CCDC18: variants seen among roughly 807,000 people sequenced by gnomAD.
CCDC18 encodes coiled-coil domain containing 18.
A neutral mutation model predicts 196.0 loss-of-function variants in CCDC18; 157 were observed. The observed-to-expected ratio is 0.80, with a 90% CI of 0.70 to 0.91. The LOEUF (loss-of-function observed/expected upper bound fraction) is 0.91. Among genes scored for constraint, CCDC18 ranks in the 40% least tolerant of loss-of-function variants. The probability of loss-of-function intolerance (pLI) is 0.00; values close to 1 mark genes in which losing one functional copy is unlikely to be tolerated. For synonymous variants in CCDC18, 482 were observed against 529.2 expected, an observed-to-expected ratio of 0.91 and a Z score of 1.22; for missense variants, 1,465 against 1,611.6, an observed-to-expected ratio of 0.91 and a Z score of 1.56.
chr1:93,217,976 G>A (rs1399373909), intron 14 of CCDC18, 107 bp downstream of exon 14: 3 of 905,308 alleles, frequency 3.3e-6, no homozygotes, highest in East Asian at 2.4e-5. Flanking sequence ...ACAAAAGTTA[G>A]TGGCAAGAGC....
In CCDC18 at chr1:93,183,583, T is replaced by C. The variant is rs550953356; in HGVS notation, c.134+88T>C. On this transcript the variant is annotated intron_variant, in intron 2 of 28. Coordinates refer to ENST00000690025, the MANE Select transcript of CCDC18 (RefSeq NM_001378204.1). The stretch of plus-strand genomic sequence containing the variant: ...GGATTTCATTATGATGTATTGTTTC[T>C]AACCTGCCTCTGGAATAAGAAATAA... 1,195 of 925,698 alleles carry C rather than the reference T, an allele frequency of 1.3e-3. 3 individuals carry two copies. Among genetic ancestry groups the C allele is most frequent in the Non-Finnish European group, 1.7e-3 (1,128 of 651,922 alleles). The allele number at this position is 925,698 out of a possible 1,614,324, so 57.3% of individuals were successfully genotyped here.
chr1:93,257,946 T>A (rs1428613655), intron 25 of CCDC18, among the ~76,000 whole-genome samples: 2 of 151,926 alleles, frequency 1.3e-5, no homozygotes, highest in Non-Finnish European at 2.9e-5. Flanking sequence ...TTCTACCTAG[T>A]CTTTCTCACA....
At chr1:93,251,038 C>T (rs1290248031) in intron 23 of CCDC18, among the ~76,000 whole-genome samples, 1 of 152,132 alleles carries the variant, frequency 6.6e-6, no homozygotes, top group African/African-American at 2.4e-5. Context: ...TTCTTTCCCA[C>T]TTACTGTCTT....
At chr1:93,274,841 A>T (rs1041818396) in intron 28 of CCDC18, among the ~76,000 whole-genome samples, 4 of 152,118 alleles carry the variant, frequency 2.6e-5, no homozygotes, top group African/African-American at 9.7e-5. Context: ...AAACAAACAA[A>T]CGTAGCCTAT....
chr1:93,238,055 G>GT (rs1357963526), intron 19 of CCDC18, among the ~76,000 whole-genome samples: 2 of 152,114 alleles, frequency 1.3e-5, no homozygotes, highest in Non-Finnish European at 2.9e-5. Context: ...ATACAGTTCT[G>GT]TTTTTTATAA....
intron 16 of CCDC18, among the ~76,000 whole-genome samples, chr1:93,222,803 T>C (rs1657656761): frequency 6.6e-6 from 1 of 152,212 alleles, no homozygotes; most frequent in African/African-American, 2.4e-5. Flanking sequence ...CTGCTATATA[T>C]TTAGTATTTT....
At chr1:93,217,945 T>TGTCCTCGTCTACAAA in intron 14 of CCDC18, 76 bp downstream of exon 14, 1 of 1,233,118 alleles carries the variant, frequency 8.1e-7, no homozygotes, top group Non-Finnish European at 1.1e-6. Flanking sequence ...TTTTATTTTG[T>TGTCCTCGTCTACAAA]AGACGAGGAC....
intron 1 of CCDC18, 77 bp from the exon 2 acceptor site, chr1:93,183,283 T>C: frequency 9.7e-7 from 1 of 1,031,886 alleles, no homozygotes; most frequent in Non-Finnish European, 1.4e-6. Context: ...ATGAGTTAAA[T>C]TCTATTCATG....
rs1394031760 is a variant in CCDC18, at chr1:93,183,397, CAATG to C, written c.39_42del (p.Asn13LysfsTer12). On this transcript the variant is annotated frameshift_variant, in exon 2 of 29. Transcript: ENST00000690025. LOFTEE classifies it high-confidence loss of function. Reference sequence around the variant, plus strand: ...GTTCATCAGACTACTATAATAAAGACAATGAAGAGGAAAGTTTGCTTGCAAATGT... The same window carrying C: ...GTTCATCAGACTACTATAATAAAGACAAGAGGAAAGTTTGCTTGCAAATGT... 2 of 1,598,650 alleles carry C rather than the reference CAATG, an allele frequency of 1.3e-6. No homozygotes were observed. The highest frequency in any genetic ancestry group is 1.7e-6 in the Non-Finnish European group (2 of 1,169,666).
chr1:93,206,511 TA>T (rs1557624810), intron 8 of CCDC18, among the ~76,000 whole-genome samples: 3 of 152,116 alleles, frequency 2.0e-5, no homozygotes, highest in African/African-American at 4.8e-5. Flanking sequence ...ATAAGTGAAA[TA>T]AATTGGTTAA....
At chr1:93,254,793 G>T (rs1442375527) in intron 24 of CCDC18, among the ~76,000 whole-genome samples, 179 bp downstream of exon 24, 1 of 152,014 alleles carries the variant, frequency 6.6e-6, no homozygotes, top group Non-Finnish European at 1.5e-5. Context: ...TTTTCTGATG[G>T]TCTAGGTATA....
intron 9 of CCDC18, 89 bp from the exon 10 acceptor site, chr1:93,210,713 A>G: frequency 1.1e-6 from 1 of 887,852 alleles, no homozygotes; most frequent in Non-Finnish European, 1.7e-6. Flanking sequence ...CATTAAATTC[A>G]TACAGTTTTT....
rs573004432 is a variant in CCDC18 at position 93,265,487 on chromosome 1, G to A, written c.3885+586G>A. On this transcript the variant is annotated intron_variant, in intron 27 of 28. Transcript: ENST00000690025. ...CTTAAATAAAATCCTACTTATATGA[G>A]ATACCACATATCAATTATGGCTAGA... Among the ~76,000 whole-genome samples the A allele has an allele frequency of 1.2e-4, 19 of 152,258 alleles. No homozygotes were observed. In the South Asian group the frequency reaches 1.5e-3, roughly 12 times the overall value.
chr1:93,228,678 C>CT (rs35733080), intron 17 of CCDC18, among the ~76,000 whole-genome samples: 65,720 of 146,136 alleles, frequency 0.45, 16,269 homozygotes, highest in African/African-American at 0.69. Flanking sequence ...TAGGAATGTC[C>CT]TTTTTTTTTT....
Position 93,201,901 on chromosome 1 carries a change from A to G in CCDC18, c.708A>G (p.Arg236=). The change falls in exon 7 of 29, where the codon CGA becomes CGG. Residue 236 remains arginine, a synonymous_variant. Coordinates refer to ENST00000690025, the MANE Select transcript of CCDC18 (RefSeq NM_001378204.1). ...TCTTTTTAAATTTTAGAGCTGAACG[A>G]CAAAGGAATGAAGCACTATATAATG... ...EQTKQGKRAE[R]QRNEALYNAE... is the part of the protein sequence containing the mutation. 2 of 1,581,984 alleles carry G rather than the reference A, an allele frequency of 1.3e-6. No homozygotes were observed. The highest frequency in any genetic ancestry group is 1.7e-6 in the Non-Finnish European group (2 of 1,165,992).
chr1:93,191,176 G>T (rs961595937), intron 4 of CCDC18: 3 of 442,974 alleles, frequency 6.8e-6, no homozygotes, highest in African/African-American at 5.9e-5. Context: ...ATGAAATTGA[G>T]TAGTAAGGTG....
intron 17 of CCDC18, among the ~76,000 whole-genome samples, chr1:93,232,134 GA>G (rs1659330400): frequency 6.6e-6 from 1 of 152,132 alleles, no homozygotes; most frequent in Non-Finnish European, 1.5e-5. Context: ...AATTCTAAAG[GA>G]AGGCATGTTT....
At chr1:93,271,412 A>C (rs1411056951) in intron 28 of CCDC18, 1 of 985,166 alleles carries the variant, frequency 1.0e-6, no homozygotes, top group Non-Finnish European at 1.2e-6. Flanking sequence ...TTTTAGAGAG[A>C]AATTCTTGAA....
chr1:93,258,681 G>T, intron 25 of CCDC18, 67 bp from the exon 26 acceptor site: 2 of 1,276,996 alleles, frequency 1.6e-6, no homozygotes, highest in Non-Finnish European at 2.1e-6. Context: ...TAATGCACTG[G>T]ATTAGTTTAG....
Sources: gnomAD v4.1 joint callset for allele counts (sites outside exome capture counted in the v4.1 genomes callset) on GRCh38, gnomAD v4.1.1 for gene constraint, MANE v1.5 for transcripts, NCBI Gene and HGNC (gene_info 2026-07-23, HGNC 2026-07-21) for gene names.